The following CTNNA3 variants were observed in gnomAD, a reference collection of about 807,000 sequenced individuals.
The protein encoded by CTNNA3 is catenin alpha 3.
A neutral mutation model predicts 95.7 loss-of-function variants in CTNNA3; 76 were observed. The observed-to-expected ratio is 0.79, with a 90% CI of 0.66 to 0.96. The LOEUF is 0.96. Among genes scored for constraint, CTNNA3 ranks in the 40% least tolerant of loss-of-function variants. The pLI is 0.00. For synonymous variants in CTNNA3, 431 were observed against 374.4 expected (o/e 1.15, Z -1.74); for missense variants, 1,191 against 1,089.8 (o/e 1.09, Z -1.31).
In CTNNA3 at chr10:65,999,614, A is replaced by T. The variant is rs562171062; in HGVS notation, c.2160-10817T>A. Among the ~76,000 whole-genome samples, 7 of 152,320 alleles carry T rather than the reference A, an allele frequency of 4.6e-5. No homozygotes were observed. The South Asian group carries it at 1.4e-3, about 32-fold the overall frequency. ...GAATGCCAAACAAAATACACATTTT[A>T]CAAATGAGTCTATATCATGCCAAAC... On this transcript the variant is annotated intron_variant, in intron 15 of 17. Transcript: ENST00000433211.
chr10:66,543,496 A>T (rs1841932268), intron 10 of CTNNA3, among the ~76,000 whole-genome samples: 1 of 152,200 alleles, frequency 6.6e-6, no homozygotes, highest in South Asian at 2.1e-4. Flanking sequence ...AGAAAAAAAT[A>T]AATTAAAAAT....
intron 13 of CTNNA3, among the ~76,000 whole-genome samples, chr10:66,250,890 G>GAGGGTA (rs1218989352): frequency 1.3e-5 from 2 of 152,096 alleles, no homozygotes; most frequent in Non-Finnish European, 2.9e-5. Flanking sequence ...CCATTTTCTA[G>GAGGGTA]AGGGTAACAT....
intron 17 of CTNNA3, among the ~76,000 whole-genome samples, chr10:65,944,381 A>G (rs2077477888): frequency 1.3e-5 from 2 of 152,264 alleles, no homozygotes; most frequent in Non-Finnish European, 2.9e-5. Context: ...GTGGAGAAGC[A>G]GATGTATAAT....
intron 7 of CTNNA3, among the ~76,000 whole-genome samples, chr10:66,854,029 C>T (rs780129462): frequency 7.2e-5 from 11 of 152,138 alleles, no homozygotes; most frequent in Non-Finnish European, 1.3e-4. Context: ...TGTAAATGCA[C>T]TTTTCTATTC....
Position 66,592,556 on chromosome 10 carries a change from T to A in CTNNA3, c.1374+29136A>T, listed in dbSNP as rs990774932. ...ATGTATATGACAGATAGAATGCATATGGGGAGTCAAAACATATAGAATTAA... is the reference window on the plus strand; with the variant it reads ...ATGTATATGACAGATAGAATGCATAAGGGGAGTCAAAACATATAGAATTAA... On this transcript the variant is annotated intron_variant, in intron 10 of 17. Coordinates refer to ENST00000433211, the MANE Select transcript of CTNNA3 (RefSeq NM_013266.4). Among the ~76,000 whole-genome samples, 4 of 152,082 alleles carry A rather than the reference T, an allele frequency of 2.6e-5. No homozygotes were observed. In the South Asian group the frequency reaches 8.3e-4, roughly 31 times the overall value.
At chr10:66,332,249 C>T (rs988167535) in intron 12 of CTNNA3, among the ~76,000 whole-genome samples, 1 of 151,836 alleles carries the variant, frequency 6.6e-6, no homozygotes, top group African/African-American at 2.4e-5. Flanking sequence ...CCTTCTCCTG[C>T]CTGATTGCCC....
chr10:67,435,995 A>C (rs189488003), intron 5 of CTNNA3, among the ~76,000 whole-genome samples: 2,660 of 152,220 alleles, frequency 0.017, 80 homozygotes, highest in African/African-American at 0.061. Flanking sequence ...TATGGAACCA[A>C]AAAAGAGCCT....
At chr10:66,322,181 A>C (rs941595585) in intron 12 of CTNNA3, among the ~76,000 whole-genome samples, 16 of 152,248 alleles carry the variant, frequency 1.1e-4, no homozygotes, top group Admixed American at 8.5e-4. Flanking sequence ...ATCTGTTTTT[A>C]AAATATCACC....
chr10:65,998,664 T>TA (rs1564568091), intron 15 of CTNNA3, among the ~76,000 whole-genome samples: 1 of 152,136 alleles, frequency 6.6e-6, no homozygotes, highest in Non-Finnish European at 1.5e-5. Flanking sequence ...GAGGCCAAAA[T>TA]ACAGTTGCTT....
intron 10 of CTNNA3, among the ~76,000 whole-genome samples, chr10:66,567,032 G>A (rs1842727913): frequency 7.1e-6 from 1 of 141,012 alleles, no homozygotes; most frequent in Non-Finnish European, 1.5e-5. Flanking sequence ...AGGGACAAAG[G>A]GAAGGGGAGG....
At chr10:66,572,052 A>C (rs1589437301) in intron 10 of CTNNA3, among the ~76,000 whole-genome samples, 1 of 151,964 alleles carries the variant, frequency 6.6e-6, no homozygotes, top group South Asian at 2.1e-4. Context: ...TCTTTTCATT[A>C]TGCTACACAG....
At chr10:67,667,713 T>C (rs1264099627) in intron 1 of CTNNA3, among the ~76,000 whole-genome samples, 2 of 152,150 alleles carry the variant, frequency 1.3e-5, no homozygotes, top group Non-Finnish European at 2.9e-5. Context: ...CATACTCAAA[T>C]GTGGCAGTTT....
rs532937688 is a variant in CTNNA3, at chr10:66,121,980, T to C, written c.1885-18731A>G. On this transcript the variant is annotated intron_variant, in intron 13 of 17. Transcript: ENST00000433211. The stretch of plus-strand genomic sequence containing the variant: ...AAAACATATTGCTATGGTTTTGTTA[T>C]AAATACTTAATCACATAAATGACAA... Among the ~76,000 whole-genome samples the C allele has an allele frequency of 2.9e-4, 44 of 152,332 alleles. No individual in the cohort carries two copies. In the South Asian group the frequency reaches 7.5e-3, roughly 26 times the overall value.
intron 16 of CTNNA3, among the ~76,000 whole-genome samples, chr10:65,974,982 G>A (rs139146442): frequency 1.3e-5 from 2 of 152,122 alleles, no homozygotes; most frequent in African/African-American, 4.8e-5. Context: ...AACCTTTCAT[G>A]CATTTCTGCT....
chr10:67,428,436 G>C (rs1845993972), intron 5 of CTNNA3, among the ~76,000 whole-genome samples: 1 of 151,954 alleles, frequency 6.6e-6, no homozygotes, highest in Non-Finnish European at 1.5e-5. Flanking sequence ...AATTAATTAA[G>C]AAAATACTTT....
At chr10:66,822,347 C>A (rs531528600) in intron 7 of CTNNA3, among the ~76,000 whole-genome samples, 23 of 152,188 alleles carry the variant, frequency 1.5e-4, no homozygotes, top group Admixed American at 7.2e-4. Context: ...CCTTCAGAAT[C>A]CTCATCACAG....
At chr10:67,556,094 G>A (rs1460883623) in intron 3 of CTNNA3, among the ~76,000 whole-genome samples, 1 of 152,170 alleles carries the variant, frequency 6.6e-6, no homozygotes, top group African/African-American at 2.4e-5. Flanking sequence ...TTGCATCCCA[G>A]GGATAAAGCC....
At chr10:67,272,675 TC>T (rs1365027432) in intron 5 of CTNNA3, among the ~76,000 whole-genome samples, 1 of 152,160 alleles carries the variant, frequency 6.6e-6, no homozygotes, top group East Asian at 1.9e-4. Flanking sequence ...AAAATAATGT[TC>T]AAAGAATAGG....
chr10:67,701,007 A>G (rs1249647742), upstream of CTNNA3, among the ~76,000 whole-genome samples: 2 of 152,256 alleles, frequency 1.3e-5, no homozygotes, highest in African/African-American at 2.4e-5. Context: ...AATGCGATCA[A>G]CTGGAAGAAA....
Sources: gnomAD v4.1 joint callset for allele counts (sites outside exome capture counted in the v4.1 genomes callset) on GRCh38, gnomAD v4.1.1 for gene constraint, MANE v1.5 for transcripts, NCBI Gene and HGNC (gene_info 2026-07-23, HGNC 2026-07-21) for gene names.